POLR1A: variants seen among roughly 807,000 people sequenced by gnomAD.
The protein encoded by POLR1A is DNA-directed RNA polymerase I subunit RPA1.
Under a neutral mutation model 205.3 loss-of-function variants are expected in POLR1A, and 84 were observed. The observed-to-expected ratio is 0.41, with a 90% CI of 0.34 to 0.49. The LOEUF (loss-of-function observed/expected upper bound fraction) is 0.49, where lower values mean the gene tolerates loss of function less well. POLR1A is among the 20% of genes least tolerant of loss of function. The pLI is 0.22. For synonymous variants in POLR1A, 799 were observed against 863.7 expected (o/e 0.93, Z 1.31); for missense variants, 1,645 against 2,204.5 (o/e 0.75, Z 5.08).
Position 86,103,416 on chromosome 2 carries a change from T to C in POLR1A, c.77+2284A>G, listed in dbSNP as rs145230582. Among the ~76,000 whole-genome samples the C allele has an allele frequency of 1.1e-3, 162 of 152,260 alleles. 3 individuals carry two copies. The East Asian group carries it at 0.028, about 27-fold the overall frequency. ...AGACTGAAATGACCCCTCCAGGCCATTTGTAAAGACTTGGTTTTTACTCTG... is the reference window on the plus strand; with the variant it reads ...AGACTGAAATGACCCCTCCAGGCCACTTGTAAAGACTTGGTTTTTACTCTG... On this transcript the variant is annotated intron_variant, in intron 1 of 33. Coordinates refer to ENST00000263857, the MANE Select transcript of POLR1A (RefSeq NM_015425.6).
chr2:86,043,535 C>T (rs1672656340), intron 22 of POLR1A, among the ~76,000 whole-genome samples: 1 of 152,074 alleles, frequency 6.6e-6, no homozygotes, highest in Non-Finnish European at 1.5e-5. Flanking sequence ...GGATAGGAAC[C>T]AGGATGGAAA....
Position 86,050,167 on chromosome 2 carries a change from C to T in POLR1A, c.2393-925G>A, listed in dbSNP as rs534558706. Among the ~76,000 whole-genome samples, 27 of 152,230 alleles carry T rather than the reference C, an allele frequency of 1.8e-4. No homozygotes were observed. The South Asian group carries it at 4.8e-3, about 27-fold the overall frequency. On this transcript the variant is annotated intron_variant, in intron 16 of 33. Coordinates refer to ENST00000263857, the MANE Select transcript of POLR1A (RefSeq NM_015425.6). Reference sequence around the variant, plus strand: ...TCTTGACCTCATGATCCACCTGCCTCGGCCTCCCAAAGTGCTGGGATTGCA... The same window carrying T: ...TCTTGACCTCATGATCCACCTGCCTTGGCCTCCCAAAGTGCTGGGATTGCA...
chr2:86,044,936 G>A (rs973842661), intron 21 of POLR1A, among the ~76,000 whole-genome samples: 3 of 152,146 alleles, frequency 2.0e-5, no homozygotes, highest in African/African-American at 4.8e-5. Context: ...AAGCTGTGGG[G>A]ACAGAGCTCA....
Position 86,054,137 on chromosome 2 carries a change from T to A in POLR1A, c.2208+3A>T, listed in dbSNP as rs201747862. Reference sequence around the variant, plus strand: ...TCCACTCCACACAGCTGGACAGCCATACCTGGGACTCGCACATCGAGTCAG... The same window carrying A: ...TCCACTCCACACAGCTGGACAGCCAAACCTGGGACTCGCACATCGAGTCAG... On this transcript the variant is annotated splice_donor_region_variant and intron_variant, in intron 15 of 33. Coordinates refer to ENST00000263857, the MANE Select transcript of POLR1A (RefSeq NM_015425.6). 1.2e-6 allele frequency: 2 copies of A among 1,613,840 alleles called. No homozygotes were observed. Among genetic ancestry groups the A allele is most frequent in the African/African-American group, 2.7e-5 (2 of 75,048 alleles).
intron 31 of POLR1A, 123 bp downstream of exon 31, chr2:86,030,073 C>T: frequency 1.3e-6 from 1 of 769,864 alleles, no homozygotes; most frequent in Non-Finnish European, 2.2e-6. Flanking sequence ...GGCCTGGAAG[C>T]ACAAATGGCT....
At position 86,028,658 on chromosome 2, in the gene POLR1A, C is replaced by T. The variant is rs763548965; in HGVS notation, c.4833G>A (p.Thr1611=). 104 of 1,614,042 alleles carry T rather than the reference C, an allele frequency of 6.4e-5. No individual in the cohort carries two copies. The highest frequency in any genetic ancestry group is 8.2e-5 in the Non-Finnish European group (97 of 1,180,002). Residue 1611 remains threonine (T), a synonymous_variant, in exon 32 of 34, where the codon ACG becomes ACA. Coordinates refer to ENST00000263857, the MANE Select transcript of POLR1A (RefSeq NM_015425.6). This position sits in a 1 kb window ranked among gnomAD's most constrained non-coding sequence, Gnocchi z 4.5. ...CCCGCAGCGCGGCCTCAATGCCATA[C>T]GTGTTGGCTATGGCGTGGATGTCGT... is the stretch of plus-strand genomic sequence containing the variant. The part of the protein sequence containing the change: ...YSNDIHAIAN[T]YGIEAALRVI...
rs56392642 is a variant in POLR1A at position 86,070,695 on chromosome 2, TC to T, written c.1612-424del. 9.8e-3 allele frequency among the ~76,000 whole-genome samples: 1,045 copies of T among 106,854 alleles called. 16 individuals carry two copies. Among genetic ancestry groups the T allele is most frequent in the African/African-American group, 0.04 (987 of 24,852 alleles). The allele number at this position is 106,854 out of a possible 152,430, so 70.1% of individuals were successfully genotyped here. On this transcript the variant is annotated intron_variant, in intron 12 of 33. Transcript: ENST00000263857. This position sits in a 1 kb window ranked among gnomAD's most constrained non-coding sequence, Gnocchi z 4.4. The stretch of plus-strand genomic sequence containing the variant: ...TGAAAGGCATTGGCAGACTTTCGAA[TC>T]CCCCCCCCGCCGTGATCACATGTGA...
intron 6 of POLR1A, among the ~76,000 whole-genome samples, chr2:86,086,845 A>G (rs1673511937): frequency 6.6e-6 from 1 of 152,260 alleles, no homozygotes; most frequent in Non-Finnish European, 1.5e-5. Flanking sequence ...AACATTTTAT[A>G]AGGCATCCTA....
chr2:86,086,221 G>A (rs1323640420), intron 6 of POLR1A, among the ~76,000 whole-genome samples: 1 of 152,086 alleles, frequency 6.6e-6, no homozygotes, highest in African/African-American at 2.4e-5. Context: ...ACCACACCCG[G>A]CTAATTTTTT....
intron 27 of POLR1A, among the ~76,000 whole-genome samples, chr2:86,035,872 G>A (rs1035472308): frequency 1.3e-4 from 20 of 152,222 alleles, no homozygotes; most frequent in Non-Finnish European, 2.2e-4. Flanking sequence ...TGTGGAGAAC[G>A]TAGGAGGGAA....
intron 19 of POLR1A, among the ~76,000 whole-genome samples, chr2:86,046,856 A>G (rs6755224): frequency 0.012 from 1,873 of 152,230 alleles, 49 homozygotes; most frequent in African/African-American, 0.043. Context: ...AGAAAGAAAC[A>G]ATCATGCAAA....
intron 27 of POLR1A, among the ~76,000 whole-genome samples, chr2:86,037,830 TTTTC>T (rs1260768124): frequency 6.6e-6 from 1 of 152,194 alleles, no homozygotes; most frequent in African/African-American, 2.4e-5. Flanking sequence ...GGGAAGCTTG[TTTTC>T]TTTCTTTTTA....
At chr2:86,054,468 A>G (rs1473145472) in intron 14 of POLR1A, among the ~76,000 whole-genome samples, 179 bp from the exon 15 acceptor site, 1 of 152,226 alleles carries the variant, frequency 6.6e-6, no homozygotes, top group Admixed American at 6.5e-5. Context: ...TCCATAGGAC[A>G]AGGTGATTTC....
At position 86,075,093 on chromosome 2, in the gene POLR1A, C is replaced by T; in HGVS notation, c.1548G>A (p.Glu516=). The change falls in exon 12 of 34, where the codon GAG becomes GAA. Residue 516 remains glutamate, a synonymous_variant. Coordinates refer to ENST00000263857, the MANE Select transcript of POLR1A (RefSeq NM_015425.6). ...ALSAVDMTQR[E]AVAKQLLTPA... Reference sequence around the variant, plus strand: ...GGGTCAGAAGCTGCTTGGCCACGGCCTCTCGCTGGGTCATGTCCACAGCGC... The same window carrying T: ...GGGTCAGAAGCTGCTTGGCCACGGCTTCTCGCTGGGTCATGTCCACAGCGC... 1 of 1,612,836 alleles carries T rather than the reference C, an allele frequency of 6.2e-7. No homozygotes were observed. Among genetic ancestry groups the T allele is most frequent in the Non-Finnish European group, 8.5e-7 (1 of 1,179,936 alleles).
In POLR1A at chr2:86,028,767, G is replaced by A; in HGVS notation, c.4780-56C>T. 1 of 1,279,036 alleles carries A rather than the reference G, an allele frequency of 7.8e-7. No individual in the cohort carries two copies. The highest frequency in any genetic ancestry group is 1.1e-6 in the Non-Finnish European group (1 of 879,552). The allele number at this position is 1,279,036 out of a possible 1,614,324, so 79.2% of individuals were successfully genotyped here. ...AGGGCCTGGCCTTCTGCTCCCTTCT[G>A]CCTGCGTATCTCCCCCTGGCCGCTC... On this transcript the variant is annotated intron_variant, in intron 31 of 33. Coordinates refer to ENST00000263857, the MANE Select transcript of POLR1A (RefSeq NM_015425.6). The surrounding 1 kb of genome is among the most constrained non-coding windows in gnomAD (Gnocchi z 4.5).
intron 9 of POLR1A, among the ~76,000 whole-genome samples, chr2:86,079,670 C>T (rs1035132624): frequency 6.6e-6 from 1 of 152,150 alleles, no homozygotes; most frequent in Non-Finnish European, 1.5e-5. Flanking sequence ...TCCAGTGATC[C>T]TCCCACCTCA....
chr2:86,077,528 T>G (rs1673309836), intron 11 of POLR1A, among the ~76,000 whole-genome samples: 1 of 152,148 alleles, frequency 6.6e-6, no homozygotes, highest in South Asian at 2.1e-4. Context: ...GTCAAAAGAC[T>G]AGGCTGAAGT....
chr2:86,066,099 A>C (rs146434683), intron 13 of POLR1A, among the ~76,000 whole-genome samples: 85 of 152,260 alleles, frequency 5.6e-4, no homozygotes, highest in African/African-American at 2.0e-3. Context: ...TATAGACTTG[A>C]GGTGAGGGGG....
rs1276033393 is a variant in POLR1A at position 86,080,802 on chromosome 2, A to T, written c.1086+14T>A. Reference sequence around the variant, plus strand: ...CATGTGTGCTCATCACATCAGCAACAGAGCAGCCCTGACCTCATCTGTAGT... The same window carrying T: ...CATGTGTGCTCATCACATCAGCAACTGAGCAGCCCTGACCTCATCTGTAGT... On this transcript the variant is annotated intron_variant, in intron 9 of 33. Transcript: ENST00000263857. The T allele has an allele frequency of 2.0e-5, 32 of 1,596,346 alleles. No homozygotes were observed. Among genetic ancestry groups the T allele is most frequent in the Non-Finnish European group, 2.6e-5 (31 of 1,171,152 alleles).
Sources: gnomAD v4.1 joint callset for allele counts (sites outside exome capture counted in the v4.1 genomes callset) on GRCh38, gnomAD v4.1.1 for gene constraint, Gnocchi (gnomAD v3.1) non-coding constraint, MANE v1.5 for transcripts, NCBI Gene and HGNC (gene_info 2026-07-23, HGNC 2026-07-21) for gene names.